Variants in SOX6 observed in about 807,000 individuals in gnomAD.
SOX6 encodes the protein transcription factor SOX-6.
SOX6 carries 11 observed loss-of-function variants against 97.8 expected under a neutral mutation model. The ratio of observed to expected loss-of-function variants is 0.11; its 90% CI spans 0.07 to 0.19. The LOEUF (loss-of-function observed/expected upper bound fraction) is 0.19. Ranked by LOEUF, SOX6 falls within the 10% of genes least tolerant of loss-of-function variation. The pLI is 1.00. For missense variants in SOX6, 810 were observed against 1,039.5 expected (o/e 0.78, Z 3.04); for synonymous variants, 360 against 371.4 (o/e 0.97, Z 0.35).
At chr11:16,687,840 G>T (rs146177833) in intron 3 of SOX6, among the ~76,000 whole-genome samples, 1 of 152,204 alleles carries the variant, frequency 6.6e-6, no homozygotes, top group Non-Finnish European at 1.5e-5. Context: ...CCCCTATAGT[G>T]CTTTAAAGTT....
chr11:16,046,408 A>C (rs1186110724), intron 12 of SOX6, 106 bp downstream of exon 12: 1 of 1,227,528 alleles, frequency 8.1e-7, no homozygotes, highest in East Asian at 2.3e-5. Context: ...TCAAGCTGGA[A>C]GCCCAAATCT....
At chr11:15,978,841 C>T (rs1853574400) in intron 15 of SOX6, among the ~76,000 whole-genome samples, 1 of 128,844 alleles carries the variant, frequency 7.8e-6, no homozygotes, top group South Asian at 2.4e-4. Context: ...AACATATCAG[C>T]ATTATATATA....
At chr11:16,311,519 G>T (rs903028869) in intron 3 of SOX6, 1 of 152,098 alleles carries the variant, frequency 6.6e-6, no homozygotes, top group African/African-American at 2.4e-5. Context: ...AAATGCTTTA[G>T]TTGCCTTAAC....
At chr11:16,636,324 T>C (rs7116271) in intron 3 of SOX6, among the ~76,000 whole-genome samples, 67,694 of 152,042 alleles carry the variant, frequency 0.45, 16,073 homozygotes, top group East Asian at 0.85. Flanking sequence ...GATTTGACTG[T>C]CCCACCGGAT....
chr11:16,119,227 C>A (rs997061597), intron 6 of SOX6, among the ~76,000 whole-genome samples: 6 of 152,082 alleles, frequency 3.9e-5, no homozygotes, highest in African/African-American at 1.4e-4. Flanking sequence ...CTTCTTATTG[C>A]CAAAAAGTGC....
At chr11:16,193,285 T>A (rs1375307907) in intron 4 of SOX6, among the ~76,000 whole-genome samples, 1 of 152,048 alleles carries the variant, frequency 6.6e-6, no homozygotes, top group Non-Finnish European at 1.5e-5. Context: ...GGTGGCAGCA[T>A]CTCTTGAGAC....
intron 1 of SOX6, among the ~76,000 whole-genome samples, chr11:16,378,009 C>T (rs1565121186): frequency 6.6e-6 from 1 of 151,700 alleles, no homozygotes; most frequent in South Asian, 2.1e-4. Context: ...TTCGAACTAG[C>T]TATCTAGGAA....
intron 1 of SOX6, among the ~76,000 whole-genome samples, chr11:16,403,162 C>T (rs966296200): frequency 6.6e-6 from 1 of 151,536 alleles, no homozygotes; most frequent in African/African-American, 2.4e-5. Flanking sequence ...ATGAGCTAAT[C>T]GAAATTTGCA....
At chr11:16,121,860 T>C (rs1486024431) in intron 6 of SOX6, among the ~76,000 whole-genome samples, 1 of 152,038 alleles carries the variant, frequency 6.6e-6, no homozygotes, top group East Asian at 1.9e-4. Context: ...GTAAAATGTA[T>C]GATTCATTTG....
At chr11:16,683,113 T>C (rs1305649512) in intron 3 of SOX6, among the ~76,000 whole-genome samples, 1 of 152,244 alleles carries the variant, frequency 6.6e-6, no homozygotes, top group African/African-American at 2.4e-5. Context: ...GAACATTCCA[T>C]GCTCATGGAT....
chr11:16,538,735 T>C (rs1268321865), intron 4 of SOX6, among the ~76,000 whole-genome samples: 1 of 152,102 alleles, frequency 6.6e-6, no homozygotes, highest in Non-Finnish European at 1.5e-5. Context: ...AGAAGACCAT[T>C]ACATAATGGT....
intron 6 of SOX6, among the ~76,000 whole-genome samples, chr11:16,115,542 C>CT (rs1342469144): frequency 5.9e-5 from 9 of 152,134 alleles, no homozygotes; most frequent in Admixed American, 5.9e-4. Context: ...CCAGGTGAAG[C>CT]TGGGGCTGCT....
chr11:16,444,563 T>C (rs1387164411), intron 1 of SOX6, among the ~76,000 whole-genome samples: 1 of 152,210 alleles, frequency 6.6e-6, no homozygotes, highest in Non-Finnish European at 1.5e-5. Flanking sequence ...TTCACAGAAT[T>C]CTTATAAGAA....
chr11:16,054,037 T>C (rs1405559076), intron 10 of SOX6, among the ~76,000 whole-genome samples: 1 of 152,120 alleles, frequency 6.6e-6, no homozygotes, highest in African/African-American at 2.4e-5. Flanking sequence ...TCAAGTCAAA[T>C]TACCCAGAGA....
At chr11:16,531,288 A>G (rs936042304) in intron 4 of SOX6, among the ~76,000 whole-genome samples, 6 of 151,550 alleles carry the variant, frequency 4.0e-5, no homozygotes, top group Non-Finnish European at 7.4e-5. Context: ...ACCCCTCCTA[A>G]TATTATTTTT....
chr11:16,033,478 C>T (rs373205287), intron 12 of SOX6, among the ~76,000 whole-genome samples: 2 of 152,080 alleles, frequency 1.3e-5, no homozygotes, highest in South Asian at 2.1e-4. Flanking sequence ...CTGATGTTTG[C>T]CTAGACCTGG....
At chr11:16,384,792 G>A (rs1171267876) in intron 1 of SOX6, among the ~76,000 whole-genome samples, 2 of 151,948 alleles carry the variant, frequency 1.3e-5, no homozygotes, top group Admixed American at 6.6e-5. Flanking sequence ...AGCATAGAAA[G>A]CAAATTAAAT....
chr11:15,978,505 C>CCTAT (rs34132069), intron 15 of SOX6, among the ~76,000 whole-genome samples: 63,658 of 150,646 alleles, frequency 0.42, 13,579 homozygotes, highest in African/African-American at 0.45. Context: ...TGGTCTTCTT[C>CCTAT]CTAATTGGCT....
chr11:16,055,979 T>C, intron 9 of SOX6, 78 bp from the exon 10 acceptor site: 1 of 1,500,546 alleles, frequency 6.7e-7, no homozygotes, highest in Non-Finnish European at 9.1e-7. Context: ...ACTTACCATA[T>C]TGTTAGATTT....
Sources: gnomAD v4.1 joint callset for allele counts (sites outside exome capture counted in the v4.1 genomes callset) on GRCh38, gnomAD v4.1.1 for gene constraint, MANE v1.5 for transcripts, NCBI Gene and HGNC (gene_info 2026-07-23, HGNC 2026-07-21) for gene names.